Variants in CDH18 observed in about 807,000 individuals in gnomAD.
CDH18 encodes cadherin-18.
CDH18 carries 31 observed loss-of-function variants against 67.9 expected under a neutral mutation model. The ratio of observed to expected loss-of-function variants is 0.46; its 90% CI spans 0.34 to 0.62. The LOEUF (loss-of-function observed/expected upper bound fraction) is 0.62. CDH18 is among the 20% of genes least tolerant of loss of function. The probability of loss-of-function intolerance (pLI) is 0.01; values close to 1 mark genes in which losing one functional copy is unlikely to be tolerated. For missense variants in CDH18, 890 were observed against 975.5 expected (o/e 0.91, Z 1.17); for synonymous variants, 362 against 347.2 (o/e 1.04, Z -0.48).
At chr5:19,576,348 G>C (rs1169816183) in intron 7 of CDH18, among the ~76,000 whole-genome samples, 2 of 150,922 alleles carry the variant, frequency 1.3e-5, no homozygotes, top group Non-Finnish European at 2.9e-5. Flanking sequence ...TTGTACATCG[G>C]ATAAGGGCCA....
At chr5:20,284,770 GAGACAAATTAT>G (rs1746556985) in intron 1 of CDH18, among the ~76,000 whole-genome samples, 4 of 151,744 alleles carry the variant, frequency 2.6e-5, no homozygotes, top group Non-Finnish European at 4.4e-5. Flanking sequence ...TCAATCATCA[GAGACAAATTAT>G]TATAGAATAT....
chr5:19,891,049 A>G (rs1193162056), intron 2 of CDH18, among the ~76,000 whole-genome samples: 3 of 152,138 alleles, frequency 2.0e-5, no homozygotes, highest in Non-Finnish European at 4.4e-5. Context: ...TCCAAAATTC[A>G]TTATGTAATT....
intron 1 of CDH18, among the ~76,000 whole-genome samples, chr5:20,478,512 C>T (rs896006907): frequency 6.6e-6 from 1 of 151,118 alleles, no homozygotes; most frequent in East Asian, 2.0e-4. Flanking sequence ...GGGATAAAAT[C>T]CTTCTGCATG....
chr5:19,876,221 G>C, intron 2 of CDH18, among the ~76,000 whole-genome samples: 1 of 152,020 alleles, frequency 6.6e-6, no homozygotes, highest in East Asian at 1.9e-4. Context: ...TATTGACAAA[G>C]AAATAATGAT....
In CDH18 at chr5:19,472,042, A is replaced by G. The variant is rs1164104503; in HGVS notation, c.*1184T>C. ...ACTTTCGGAAACATATCTGAGGATA[A>G]TAACTGTGAATCTCCTTTTTTGCTC... On this transcript the variant is annotated 3_prime_UTR_variant, in exon 13 of 13. Coordinates refer to ENST00000382275, the MANE Select transcript of CDH18 (RefSeq NM_004934.5). Among the ~76,000 whole-genome samples, 6 of 152,272 alleles carry G rather than the reference A, an allele frequency of 3.9e-5. No individual in the cohort carries two copies. The East Asian group carries it at 9.7e-4, about 25-fold the overall frequency.
In CDH18 at chr5:19,582,457, C is replaced by A. The variant is rs188841284; in HGVS notation, c.999+8600G>T. On this transcript the variant is annotated intron_variant, in intron 7 of 12. Coordinates refer to ENST00000382275, the MANE Select transcript of CDH18 (RefSeq NM_004934.5). ...GCTCATCATTATGCCTATAGATGAACAGCATGAAAAATAATTTACCCAATA... is the reference window on the plus strand; with the variant it reads ...GCTCATCATTATGCCTATAGATGAAAAGCATGAAAAATAATTTACCCAATA... 2.2e-4 allele frequency among the ~76,000 whole-genome samples: 33 copies of A among 152,006 alleles called. 1 individual carries two copies. Among genetic ancestry groups the A allele is most frequent in the African/African-American group, 6.5e-4 (27 of 41,532 alleles).
chr5:20,135,255 C>G (rs1445747878), intron 2 of CDH18, among the ~76,000 whole-genome samples: 1 of 152,120 alleles, frequency 6.6e-6, no homozygotes. Flanking sequence ...TTTGGGAATA[C>G]CTCAATTTCA....
chr5:20,150,780 A>G (rs533267219), intron 2 of CDH18, among the ~76,000 whole-genome samples: 4 of 152,080 alleles, frequency 2.6e-5, no homozygotes, highest in Admixed American at 6.6e-5. Context: ...TATAAGCCTC[A>G]TAATCAAAAT....
chr5:20,351,643 C>T (rs566182826), intron 1 of CDH18, among the ~76,000 whole-genome samples: 77 of 151,232 alleles, frequency 5.1e-4, no homozygotes, highest in Non-Finnish European at 8.7e-4. Context: ...GTAAATGAAG[C>T]GTAAGATTTA....
Position 19,982,006 on chromosome 5 carries a change from C to T in CDH18, c.-375-828G>A, listed in dbSNP as rs1008875789. Among the ~76,000 whole-genome samples, 6 of 152,014 alleles carry T rather than the reference C, an allele frequency of 3.9e-5. 1 individual carries two copies. Among genetic ancestry groups the T allele is most frequent in the Non-Finnish European group, 4.4e-5 (3 of 68,020 alleles). On this transcript the variant is annotated intron_variant, in intron 1 of 12. Coordinates refer to ENST00000382275, the MANE Select transcript of CDH18 (RefSeq NM_004934.5). ...TTTCTTCCCAAACAGATGGCAACCT[C>T]CATGAATGAATGAATACAAAATTTT...
intron 2 of CDH18, among the ~76,000 whole-genome samples, chr5:20,185,392 C>T (rs1480264303): frequency 1.3e-5 from 2 of 152,022 alleles, no homozygotes; most frequent in Admixed American, 1.3e-4. Flanking sequence ...TGGGACACAA[C>T]TTATATTATG....
intron 1 of CDH18, among the ~76,000 whole-genome samples, chr5:20,502,992 C>G (rs1361209710): frequency 1.6e-5 from 2 of 125,962 alleles, no homozygotes; most frequent in African/African-American, 2.8e-5. Context: ...TCAATGCTAG[C>G]CTGAACTTAG....
intron 10 of CDH18, among the ~76,000 whole-genome samples, chr5:19,511,154 A>T: frequency 6.6e-6 from 1 of 151,926 alleles, no homozygotes; most frequent in African/African-American, 2.4e-5. Context: ...ATCTCTCAGC[A>T]CTTCTCTTTC....
rs17225124 is a variant in CDH18 at position 20,230,180 on chromosome 5, G to T, written c.-518+25264C>A. ...TGCATTGATGTCTCTGCTAATAATTGCATGTGTATAACAGAAAGCCCTTTG... is the reference window on the plus strand; with the variant it reads ...TGCATTGATGTCTCTGCTAATAATTTCATGTGTATAACAGAAAGCCCTTTG... On this transcript the variant is annotated intron_variant, in intron 2 of 14. Transcript: ENST00000507958. 2.0e-5 allele frequency among the ~76,000 whole-genome samples: 3 copies of T among 151,904 alleles called. No individual in the cohort carries two copies. The South Asian group carries it at 6.2e-4, about 32-fold the overall frequency.
At chr5:20,242,313 T>C (rs533056215) in intron 2 of CDH18, among the ~76,000 whole-genome samples, 1 of 152,010 alleles carries the variant, frequency 6.6e-6, no homozygotes, top group East Asian at 1.9e-4. Flanking sequence ...TGTACTGTTT[T>C]AGCATTTTTG....
At chr5:19,530,385 C>T (rs1408165326) in intron 9 of CDH18, among the ~76,000 whole-genome samples, 1 of 151,784 alleles carries the variant, frequency 6.6e-6, no homozygotes, top group African/African-American at 2.4e-5. Flanking sequence ...TCGAAAAAAA[C>T]ACAAAAGAAA....
chr5:19,981,379 C>T (rs886148883), intron 1 of CDH18, among the ~76,000 whole-genome samples: 1 of 151,766 alleles, frequency 6.6e-6, no homozygotes, highest in Admixed American at 6.6e-5. Context: ...AGTCCATTTT[C>T]TGCTGCTATA....
At chr5:19,605,135 C>A (rs1580450904) in intron 6 of CDH18, among the ~76,000 whole-genome samples, 1 of 151,716 alleles carries the variant, frequency 6.6e-6, no homozygotes, top group East Asian at 1.9e-4. Flanking sequence ...TAGTACACAA[C>A]CACATAGATT....
At chr5:20,197,569 A>G (rs559370197) in intron 2 of CDH18, among the ~76,000 whole-genome samples, 1 of 152,314 alleles carries the variant, frequency 6.6e-6, no homozygotes, top group Non-Finnish European at 1.5e-5. Context: ...CCTTGCACAA[A>G]TACCACTCCA....
Sources: gnomAD v4.1 joint callset for allele counts (sites outside exome capture counted in the v4.1 genomes callset) on GRCh38, gnomAD v4.1.1 for gene constraint, MANE v1.5 for transcripts, NCBI Gene and HGNC (gene_info 2026-07-23, HGNC 2026-07-21) for gene names.